FMN1: variants seen among roughly 807,000 people sequenced by gnomAD.
FMN1 encodes the protein formin-1.
In FMN1, 110 loss-of-function variants were observed where a neutral mutation model predicts 132.4. The ratio of observed to expected loss-of-function variants is 0.83; its 90% CI spans 0.71 to 0.97. The LOEUF is 0.97. FMN1 is among the 50% of genes least tolerant of loss of function. The probability of loss-of-function intolerance (pLI) is 0.00; values close to 1 mark genes in which losing one functional copy is unlikely to be tolerated. For missense variants in FMN1, 1,792 were observed against 1,705.3 expected (o/e 1.05, Z -0.90); for synonymous variants, 722 against 651.7 (o/e 1.11, Z -1.64).
At chr15:33,107,665 A>G (rs896447114) in intron 4 of FMN1, among the ~76,000 whole-genome samples, 11 of 152,092 alleles carry the variant, frequency 7.2e-5, no homozygotes, top group Non-Finnish European at 1.5e-4. Context: ...TCATGCTCAA[A>G]TATCCTTCGA....
intron 18 of FMN1, among the ~76,000 whole-genome samples, chr15:32,803,240 A>G (rs2057541140): frequency 6.6e-6 from 1 of 152,150 alleles, no homozygotes; most frequent in Non-Finnish European, 1.5e-5. Flanking sequence ...TCCTACCTCT[A>G]CCTGTCATCT....
At chr15:33,018,562 C>T (rs1220318235) in intron 6 of FMN1, among the ~76,000 whole-genome samples, 2 of 152,170 alleles carry the variant, frequency 1.3e-5, no homozygotes, top group African/African-American at 4.8e-5. Context: ...GTGGTGCGCC[C>T]AAGAAGAAAT....
chr15:32,908,506 G>C lies in FMN1; in HGVS notation c.3361C>G (p.Leu1121Val). The C allele has an allele frequency of 6.2e-7, 1 of 1,609,202 alleles. No individual in the cohort carries two copies. The change falls in exon 12 of 21, where the codon CTG (leucine) becomes GTG (valine). Residue 1121 changes from leucine (L) to valine (V), a missense_variant. This residue lies in a region of FMN1 where 1,150 missense variants were observed against 1,043.1 expected (regional missense o/e 1.10). Coordinates refer to ENST00000616417, the MANE Select transcript of FMN1 (RefSeq NM_001277313.2). ...TATCCTTACTGCTCAGGTTTATCCA[G>C]CAGCTTCAGTTCTTCTTCTTTGGAT... is the stretch of plus-strand genomic sequence containing the variant. ...ETSKEEELKLLDKPEQFLHEL... is the reference protein window; with the variant it reads ...ETSKEEELKLVDKPEQFLHEL...
chr15:32,925,414 A>G (rs986482735), intron 10 of FMN1, among the ~76,000 whole-genome samples: 1 of 152,234 alleles, frequency 6.6e-6, no homozygotes, highest in Non-Finnish European at 1.5e-5. Flanking sequence ...GACAGTTTAT[A>G]GAAAACAGGG....
At position 32,773,288 on chromosome 15, in the gene FMN1, T is replaced by A. The variant is rs1211096147; in HGVS notation, c.*1022A>T. ...GAGTCCTGCTTCATCCTACTTCACATGCCTATCAGCCAAGGTCATGAGCAG... is the reference window on the plus strand; with the variant it reads ...GAGTCCTGCTTCATCCTACTTCACAAGCCTATCAGCCAAGGTCATGAGCAG... On this transcript the variant is annotated 3_prime_UTR_variant, in exon 21 of 21. Coordinates refer to ENST00000616417, the MANE Select transcript of FMN1 (RefSeq NM_001277313.2). The A allele has an allele frequency of 6.6e-6, 1 of 152,178 alleles. No individual in the cohort carries two copies. The allele number at this position is 152,178 out of a possible 1,614,324, so 9.4% of individuals were successfully genotyped here.
chr15:33,143,364 C>T (rs1253099182), intron 4 of FMN1, among the ~76,000 whole-genome samples: 1 of 152,156 alleles, frequency 6.6e-6, no homozygotes, highest in Non-Finnish European at 1.5e-5. Context: ...TACCAGTTTT[C>T]AGACTAAGTT....
chr15:32,944,030 G>C (rs766247212), intron 9 of FMN1, among the ~76,000 whole-genome samples: 13 of 152,234 alleles, frequency 8.5e-5, no homozygotes, highest in African/African-American at 3.1e-4. Context: ...CCCTCCCTAC[G>C]ATTTCTAATA....
chr15:32,810,312 A>G (rs1567204731), intron 17 of FMN1, among the ~76,000 whole-genome samples: 1 of 152,228 alleles, frequency 6.6e-6, no homozygotes, highest in Non-Finnish European at 1.5e-5. Flanking sequence ...TTTTTGGCAC[A>G]GAAATTTCTA....
At chr15:33,069,738 A>C (rs2037911130) in intron 5 of FMN1, among the ~76,000 whole-genome samples, 1 of 152,168 alleles carries the variant, frequency 6.6e-6, no homozygotes, top group South Asian at 2.1e-4. Context: ...ACACTTTCTA[A>C]ATCTTGATTT....
At chr15:32,961,142 T>C (rs1314333490) in intron 9 of FMN1, among the ~76,000 whole-genome samples, 2 of 152,008 alleles carry the variant, frequency 1.3e-5, no homozygotes, top group Admixed American at 1.3e-4. Context: ...TCATCTTTTT[T>C]TTTTTTTTTA....
rs368778182 is a variant in FMN1, at chr15:32,968,759, G to C, written c.2942C>G (p.Pro981Arg). 14 of 1,613,238 alleles carry C rather than the reference G, an allele frequency of 8.7e-6. No individual in the cohort carries two copies. Among genetic ancestry groups the C allele is most frequent in the Non-Finnish European group, 1.2e-5 (14 of 1,179,754 alleles). Residue 981 changes from proline to arginine, a missense_variant, in exon 8 of 21, where the codon CCC becomes CGC. Transcript: ENST00000616417. ...CCTAGTCCAATATAAAGGCTTCATG[G>C]GACAACTGGGCTCGATGGCTGGTTT... ...PRKPAIEPSC[P>R]MKPLYWTRIQ...
At chr15:32,982,931 C>T (rs1480917703) in intron 7 of FMN1, among the ~76,000 whole-genome samples, 1 of 152,084 alleles carries the variant, frequency 6.6e-6, no homozygotes, top group Admixed American at 6.6e-5. Flanking sequence ...AACTTATCAG[C>T]GTCCATCATC....
At chr15:33,113,594 C>G (rs777607903) in intron 4 of FMN1, among the ~76,000 whole-genome samples, 3 of 152,148 alleles carry the variant, frequency 2.0e-5, no homozygotes, top group Admixed American at 6.5e-5. Flanking sequence ...ACACAAAAAT[C>G]ATCCAGTGTC....
intron 6 of FMN1, among the ~76,000 whole-genome samples, chr15:33,028,996 G>GT (rs1343427371): frequency 7.2e-5 from 11 of 152,202 alleles, no homozygotes. Context: ...TCTGTGACAA[G>GT]TAAGAATGTT....
intron 2 of FMN1, among the ~76,000 whole-genome samples, chr15:33,192,048 A>G (rs954782646): frequency 2.6e-5 from 4 of 152,262 alleles, no homozygotes; most frequent in Admixed American, 1.3e-4. Flanking sequence ...ACCAACCAGT[A>G]GCATCACTGC....
chr15:33,099,954 T>C (rs376930930), intron 4 of FMN1, among the ~76,000 whole-genome samples: 1 of 152,172 alleles, frequency 6.6e-6, no homozygotes, highest in Non-Finnish European at 1.5e-5. Flanking sequence ...TTTACTATTA[T>C]ACCTAATAAA....
At chr15:32,896,891 T>C (rs186975469) in intron 15 of FMN1, among the ~76,000 whole-genome samples, 172 of 150,384 alleles carry the variant, frequency 1.1e-3, no homozygotes, top group African/African-American at 4.0e-3. Flanking sequence ...AAATGTCTCT[T>C]TGAGATCCTG....
At chr15:33,008,315 TA>T (rs2034524781) in intron 6 of FMN1, among the ~76,000 whole-genome samples, 1 of 151,464 alleles carries the variant, frequency 6.6e-6, no homozygotes, top group Admixed American at 6.6e-5. Context: ...GGGATAGGGT[TA>T]AAAGAAAAAA....
chr15:33,148,906 G>T (rs2140271816), intron 4 of FMN1, among the ~76,000 whole-genome samples: 1 of 151,130 alleles, frequency 6.6e-6, no homozygotes, highest in Non-Finnish European at 1.5e-5. Flanking sequence ...TAAAATTCTT[G>T]CCTCAAAGGA....
Sources: gnomAD v4.1 joint callset for allele counts (sites outside exome capture counted in the v4.1 genomes callset) on GRCh38, gnomAD v4.1.1 for gene constraint, gnomAD v4.1.1 regional missense constraint, MANE v1.5 for transcripts, NCBI Gene and HGNC (gene_info 2026-07-23, HGNC 2026-07-21) for gene names.